The following ADGRB3 variants were observed in gnomAD, a reference collection of about 807,000 sequenced individuals.
ADGRB3 encodes the protein brain-specific angiogenesis inhibitor 3.
Under a neutral mutation model 193.4 loss-of-function variants are expected in ADGRB3, and 37 were observed. That is an observed-to-expected ratio of 0.19 (90% CI 0.15 to 0.25). The LOEUF (loss-of-function observed/expected upper bound fraction) is 0.25. ADGRB3 is among the 10% of genes least tolerant of loss of function. The pLI is 1.00. For synonymous variants in ADGRB3, 690 were observed against 644.2 expected (o/e 1.07, Z -1.08); for missense variants, 1,637 against 1,852.9 (o/e 0.88, Z 2.14).
At chr6:69,379,094 A>T (rs1174093267) in intron 30 of ADGRB3, among the ~76,000 whole-genome samples, 2 of 152,050 alleles carry the variant, frequency 1.3e-5, no homozygotes, top group Non-Finnish European at 2.9e-5. Context: ...TGATAGTAAT[A>T]TGAATGCAAG....
At chr6:68,893,108 AT>A (rs1766125489) in intron 3 of ADGRB3, among the ~76,000 whole-genome samples, 1 of 152,178 alleles carries the variant, frequency 6.6e-6, no homozygotes, top group South Asian at 2.1e-4. Context: ...AATTAACATC[AT>A]TATCATTACT....
In ADGRB3 at chr6:68,639,407, G is replaced by A. The variant is rs1417931500; in HGVS notation, c.732G>A (p.Arg244=). Residue 244 remains arginine (R), a synonymous_variant, in exon 3 of 32, where the codon AGG becomes AGA. Transcript: ENST00000370598. ...LQTTQVCNLT[R]EAKRPPKEEF... ...CCACCCAAGTCTGCAATCTTACCAGGGAGGCCAAGCGACCACCCAAAGAAG... is the reference window on the plus strand; with the variant it reads ...CCACCCAAGTCTGCAATCTTACCAGAGAGGCCAAGCGACCACCCAAAGAAG... The A allele has an allele frequency of 6.2e-7, 1 of 1,611,082 alleles. No homozygotes were observed. Among genetic ancestry groups the A allele is most frequent in the South Asian group, 1.1e-5 (1 of 90,878 alleles).
rs1476414388 is a variant in ADGRB3, at chr6:69,339,459, G to A, written c.3414G>A (p.Leu1138=). 3.7e-6 allele frequency: 6 copies of A among 1,613,840 alleles called. No individual in the cohort carries two copies. The East Asian group carries it at 6.7e-5, about 18-fold the overall frequency. ...FQILFAVFDS[L]QGFVIVMVHC... The stretch of plus-strand genomic sequence containing the variant: ...TACTTTTTGCTGTGTTTGATTCATT[G>A]CAAGGCTTTGTTATAGTCATGGTCC... The change falls in exon 26 of 32, where the codon TTG becomes TTA. Residue 1138 remains leucine (L), a synonymous_variant. Transcript: ENST00000370598.
chr6:69,133,172 G>T (rs1033124794), intron 17 of ADGRB3, among the ~76,000 whole-genome samples: 1 of 152,070 alleles, frequency 6.6e-6, no homozygotes. Context: ...AAAGTCAATG[G>T]TAGCTTGATG....
intron 3 of ADGRB3, among the ~76,000 whole-genome samples, chr6:68,708,929 A>G (rs1765367516): frequency 6.6e-6 from 1 of 152,122 alleles, no homozygotes; most frequent in Non-Finnish European, 1.5e-5. Flanking sequence ...TAACATTGAA[A>G]TCAGAAAAAA....
rs892649081 is a variant in ADGRB3 at position 68,887,823 on chromosome 6, A to G, written c.758-42736A>G. Among the ~76,000 whole-genome samples the G allele has an allele frequency of 5.9e-5, 9 of 152,268 alleles. No individual in the cohort carries two copies. The East Asian group carries it at 1.3e-3, about 23-fold the overall frequency. ...AAGCCAAAAGTTAAGTGGCTGCCCT[A>G]TATTGCCACTAAAGGTGAACCTTAT... On this transcript the variant is annotated intron_variant, in intron 3 of 31. Coordinates refer to ENST00000370598, the MANE Select transcript of ADGRB3 (RefSeq NM_001704.3).
intron 20 of ADGRB3, among the ~76,000 whole-genome samples, chr6:69,260,732 A>T (rs943029295): frequency 3.3e-5 from 5 of 152,152 alleles, no homozygotes; most frequent in African/African-American, 1.2e-4. Flanking sequence ...ACTTAGGGAG[A>T]ATCCTAGAAT....
intron 20 of ADGRB3, among the ~76,000 whole-genome samples, chr6:69,288,029 G>T (rs1767588564): frequency 6.6e-6 from 1 of 151,484 alleles, no homozygotes; most frequent in Non-Finnish European, 1.5e-5. Context: ...AATAAAACTT[G>T]TTTCATTTTT....
intron 15 of ADGRB3, among the ~76,000 whole-genome samples, chr6:69,055,795 T>G (rs1256721354): frequency 6.7e-6 from 1 of 148,364 alleles, no homozygotes; most frequent in African/African-American, 2.4e-5. Context: ...GTTATGTTGT[T>G]TTTTTGTTTT....
chr6:68,915,565 T>C (rs1766855892), intron 3 of ADGRB3, among the ~76,000 whole-genome samples: 1 of 152,162 alleles, frequency 6.6e-6, no homozygotes, highest in South Asian at 2.1e-4. Flanking sequence ...TGGCTAAGAA[T>C]TGGGATCTAA....
At chr6:68,883,733 T>G (rs1056210345) in intron 3 of ADGRB3, among the ~76,000 whole-genome samples, 1 of 152,018 alleles carries the variant, frequency 6.6e-6, no homozygotes, top group Non-Finnish European at 1.5e-5. Flanking sequence ...TGTTTGAACA[T>G]GAGAAGGAAC....
At chr6:68,885,496 T>C (rs1765882748) in intron 3 of ADGRB3, among the ~76,000 whole-genome samples, 1 of 152,190 alleles carries the variant, frequency 6.6e-6, no homozygotes, top group Admixed American at 6.5e-5. Context: ...GGTGAAAACA[T>C]TTAAAATCCT....
rs1765216842 is a variant in ADGRB3 at position 69,192,642 on chromosome 6, T to C, written c.2481-40648T>C. Among the ~76,000 whole-genome samples, 3 of 152,188 alleles carry C rather than the reference T, an allele frequency of 2.0e-5. 1 individual carries two copies. In the South Asian group the frequency reaches 6.2e-4, roughly 31 times the overall value. On this transcript the variant is annotated intron_variant, in intron 17 of 31. Transcript: ENST00000370598. ...CTTTGAGTCTTGTAATAGTTTGTAA[T>C]TCTTATTTCAAAGTAGACCAAACTG...
intron 13 of ADGRB3, among the ~76,000 whole-genome samples, chr6:69,031,000 C>CTTTT (rs1480485485): frequency 4.5e-4 from 44 of 98,680 alleles, no homozygotes; most frequent in Middle Eastern, 6.7e-3. Context: ...TCTTTCTTTT[C>CTTTT]CTTTCTTTTC....
intron 20 of ADGRB3, among the ~76,000 whole-genome samples, chr6:69,296,630 T>C (rs926794056): frequency 1.9e-4 from 29 of 152,156 alleles, no homozygotes; most frequent in Non-Finnish European, 4.4e-5. Flanking sequence ...TTGAGTTCTT[T>C]GGAAACAGAT....
intron 29 of ADGRB3, among the ~76,000 whole-genome samples, chr6:69,365,105 T>C (rs952392008): frequency 1.3e-5 from 2 of 152,116 alleles, no homozygotes. Flanking sequence ...CAAGAGTCTT[T>C]CCAACTTATG....
At chr6:68,968,246 C>T (rs756632129) in intron 8 of ADGRB3, among the ~76,000 whole-genome samples, 3 of 152,156 alleles carry the variant, frequency 2.0e-5, no homozygotes, top group African/African-American at 2.4e-5. Flanking sequence ...TCACTAGTGC[C>T]ATCTAGTGGC....
intron 17 of ADGRB3, among the ~76,000 whole-genome samples, chr6:69,100,942 GA>G (rs1216967964): frequency 2.5e-4 from 1 of 3,992 alleles, no homozygotes; most frequent in Non-Finnish European, 6.2e-4. Flanking sequence ...GGGAGGGAAG[GA>G]AGGAAAGGAG....
chr6:69,366,373 A>G (rs1230797723), intron 29 of ADGRB3, among the ~76,000 whole-genome samples: 1 of 152,130 alleles, frequency 6.6e-6, no homozygotes, highest in Non-Finnish European at 1.5e-5. Flanking sequence ...TTGTAATAGA[A>G]ATTTTAATGG....
Sources: gnomAD v4.1 joint callset for allele counts (sites outside exome capture counted in the v4.1 genomes callset) on GRCh38, gnomAD v4.1.1 for gene constraint, MANE v1.5 for transcripts, NCBI Gene and HGNC (gene_info 2026-07-23, HGNC 2026-07-21) for gene names.